NSD1: variants seen among roughly 807,000 people sequenced by gnomAD.
NSD1 encodes histone-lysine N-methyltransferase, H3 lysine-36 specific.
In NSD1, 26 loss-of-function variants were observed where a neutral mutation model predicts 242.7. The ratio of observed to expected loss-of-function variants is 0.11; its 90% CI spans 0.08 to 0.15. The LOEUF (loss-of-function observed/expected upper bound fraction) is 0.15, where lower values mean the gene tolerates loss of function less well. Ranked by LOEUF, NSD1 falls within the 10% of genes least tolerant of loss-of-function variation. The pLI is 1.00. For missense variants in NSD1, 2,495 were observed against 3,272.8 expected (o/e 0.76, Z 5.80); for synonymous variants, 1,106 against 1,178.1 (o/e 0.94, Z 1.25).
At chr5:177,233,537 A>ATTTTTTTTTTTTTTTTTTTT (rs56908682) in intron 5 of NSD1, among the ~76,000 whole-genome samples, 1 of 126,430 alleles carries the variant, frequency 7.9e-6, no homozygotes, top group African/African-American at 3.1e-5. Flanking sequence ...CCTGGCTAGT[A>ATTTTTTTTTTTTTTTTTTTT]TTTTTTTTTT....
intron 12 of NSD1, among the ~76,000 whole-genome samples, chr5:177,256,586 C>T (rs930598631): frequency 6.6e-6 from 1 of 152,192 alleles, no homozygotes; most frequent in African/African-American, 2.4e-5. Context: ...CCCAGCCCAA[C>T]TTAAATTTCG....
chr5:177,291,419 C>A (rs1759812538), intron 21 of NSD1, among the ~76,000 whole-genome samples: 1 of 152,146 alleles, frequency 6.6e-6, no homozygotes, highest in Admixed American at 6.6e-5. Context: ...CTTTAGGAGG[C>A]CAAAGCGGGT....
chr5:177,233,258 G>T (rs564713150), intron 5 of NSD1, among the ~76,000 whole-genome samples: 1 of 151,960 alleles, frequency 6.6e-6, no homozygotes, highest in African/African-American at 2.4e-5. Flanking sequence ...TAGTAGAGAT[G>T]GGGTCTCACT....
chr5:177,148,410 G>A (rs1232927133), intron 2 of NSD1, among the ~76,000 whole-genome samples: 3 of 151,166 alleles, frequency 2.0e-5, no homozygotes, highest in Non-Finnish European at 2.9e-5. Context: ...GAGCCACGGC[G>A]CCCCGCCAAT....
intron 14 of NSD1, among the ~76,000 whole-genome samples, chr5:177,260,465 G>A (rs1756911450): frequency 6.8e-6 from 1 of 147,542 alleles, no homozygotes; most frequent in Admixed American, 7.0e-5. Flanking sequence ...TCCTGCCTCA[G>A]CCTCCCAAGT....
At chr5:177,273,057 A>C (rs1413741003) in intron 16 of NSD1, among the ~76,000 whole-genome samples, 14 of 152,154 alleles carry the variant, frequency 9.2e-5, no homozygotes, top group Non-Finnish European at 1.5e-4. Context: ...GGGGCACCTA[A>C]GATGTAGCAT....
At chr5:177,200,035 C>G (rs555930377) in intron 3 of NSD1, among the ~76,000 whole-genome samples, 4 of 152,214 alleles carry the variant, frequency 2.6e-5, no homozygotes, top group African/African-American at 9.6e-5. Context: ...CTGATTTTTC[C>G]CATATCCCCA....
intron 2 of NSD1, among the ~76,000 whole-genome samples, chr5:177,147,346 A>G (rs971298068): frequency 2.0e-5 from 3 of 152,148 alleles, no homozygotes; most frequent in Admixed American, 1.3e-4. Flanking sequence ...AGCTCAAGCA[A>G]TCCGCCTGCC....
intron 17 of NSD1, among the ~76,000 whole-genome samples, chr5:177,274,795 G>A (rs1050589242): frequency 6.6e-6 from 1 of 151,926 alleles, no homozygotes; most frequent in African/African-American, 2.4e-5. Context: ...GTGCAGTGGT[G>A]CAATCTTGGC....
chr5:177,136,787 G>A (rs1001819868), intron 2 of NSD1: 5 of 580,500 alleles, frequency 8.6e-6, no homozygotes, highest in African/African-American at 7.5e-5. Flanking sequence ...AGCTCTTGAA[G>A]TTTTTCTAGT....
Position 177,282,549 on chromosome 5 carries a change from A to G in NSD1, c.5977A>G (p.Ile1993Val). The G allele has an allele frequency of 6.2e-7, 1 of 1,612,656 alleles. No homozygotes were observed. Among genetic ancestry groups the G allele is most frequent in the Non-Finnish European group, 8.5e-7 (1 of 1,178,606 alleles). The change falls in exon 19 of 23, where the codon ATC becomes GTC. Residue 1993 changes from isoleucine to valine, a missense_variant. By Grantham distance (29) the Ile-to-Val change is conservative (BLOSUM62 3). This residue lies in a region of NSD1 where 114 missense variants were observed against 247.4 expected (regional missense o/e 0.46). Coordinates refer to ENST00000439151, the MANE Select transcript of NSD1 (RefSeq NM_022455.5). The stretch of plus-strand genomic sequence containing the variant: ...AATTCGCTATGCTCAAGAACATGAT[A>G]TCACTAATTTCTATATGCTCACCCT... ...ARIRYAQEHD[I>V]TNFYMLTLDK...
intron 14 of NSD1, chr5:177,266,237 G>T: frequency 1.2e-6 from 1 of 821,488 alleles, no homozygotes; most frequent in South Asian, 1.3e-5. Flanking sequence ...CTTTTCCACC[G>T]GGAGCTCTAT....
At chr5:177,251,533 T>G (rs1350105246) in intron 11 of NSD1, among the ~76,000 whole-genome samples, 197 bp from the exon 12 acceptor site, 1 of 152,218 alleles carries the variant, frequency 6.6e-6, no homozygotes, top group East Asian at 1.9e-4. Context: ...AATACCTGAT[T>G]TTAGCTTTCC....
chr5:177,179,475 A>G (rs150994168), intron 2 of NSD1, among the ~76,000 whole-genome samples: 1 of 152,338 alleles, frequency 6.6e-6, no homozygotes, highest in East Asian at 1.9e-4. Context: ...TCAGCCTCCC[A>G]AAGTGCTGGG....
At chr5:177,172,544 A>T (rs150680334) in intron 2 of NSD1, among the ~76,000 whole-genome samples, 37 of 152,282 alleles carry the variant, frequency 2.4e-4, no homozygotes, top group African/African-American at 8.4e-4. Context: ...CTTAGTGGTA[A>T]TATATGGCAG....
At chr5:177,143,688 A>C (rs539278099) in intron 2 of NSD1, among the ~76,000 whole-genome samples, 1 of 152,232 alleles carries the variant, frequency 6.6e-6, no homozygotes, top group South Asian at 2.1e-4. Context: ...GTTTACTGGA[A>C]GAAGTCCCTT....
rs539453877 is a variant in NSD1 at position 177,294,213 on chromosome 5, C to T, written c.6845C>T (p.Pro2282Leu). The T allele has an allele frequency of 6.2e-7, 1 of 1,613,378 alleles. No homozygotes were observed. Among genetic ancestry groups the T allele is most frequent in the African/African-American group, 1.3e-5 (1 of 74,918 alleles). Residue 2282 changes from proline (P) to leucine (L), a missense_variant, in exon 23 of 23, where the codon CCT becomes CTT. Physicochemically the swap from Pro to Leu is moderately conservative, Grantham distance 98. Transcript: ENST00000439151. ...TCQRPLLPERPLERTDSRPQP... is the reference protein window; with the variant it reads ...TCQRPLLPERLLERTDSRPQP... ...CAGAGGCCATTGCTACCTGAAAGACCTCTTGAGAGAACTGACTCCAGGCCC... is the reference window on the plus strand; with the variant it reads ...CAGAGGCCATTGCTACCTGAAAGACTTCTTGAGAGAACTGACTCCAGGCCC...
At chr5:177,164,867 C>T (rs558807788) in intron 2 of NSD1, among the ~76,000 whole-genome samples, 4 of 151,636 alleles carry the variant, frequency 2.6e-5, no homozygotes, top group African/African-American at 9.7e-5. Flanking sequence ...CGCTTGAACC[C>T]AGGAGGTGGA....
chr5:177,282,093 C>T (rs1163006073), intron 18 of NSD1, among the ~76,000 whole-genome samples: 1 of 152,172 alleles, frequency 6.6e-6, no homozygotes, highest in Non-Finnish European at 1.5e-5. Context: ...AAATATAGAG[C>T]AGAGCAAGCA....
Sources: gnomAD v4.1 joint callset for allele counts (sites outside exome capture counted in the v4.1 genomes callset) on GRCh38, gnomAD v4.1.1 for gene constraint, gnomAD v4.1.1 regional missense constraint, MANE v1.5 for transcripts, NCBI Gene and HGNC (gene_info 2026-07-23, HGNC 2026-07-21) for gene names.